GALNT13: variants seen among roughly 807,000 people sequenced by gnomAD.
GALNT13 encodes polypeptide N-acetylgalactosaminyltransferase 13.
Under a neutral mutation model 64.2 loss-of-function variants are expected in GALNT13, and 28 were observed. The observed-to-expected ratio is 0.44, with a 90% CI of 0.32 to 0.60. The LOEUF (loss-of-function observed/expected upper bound fraction) is 0.60. GALNT13 is among the 20% of genes least tolerant of loss of function. GALNT13 has a pLI of 0.05. For missense variants in GALNT13, 577 were observed against 669.8 expected, an observed-to-expected ratio of 0.86 and a Z score of 1.53; for synonymous variants, 214 against 224.6, an observed-to-expected ratio of 0.95 and a Z score of 0.42.
intron 9 of GALNT13, among the ~76,000 whole-genome samples, chr2:154,309,510 A>G (rs1238238330): frequency 1.3e-5 from 2 of 152,198 alleles, no homozygotes; most frequent in African/African-American, 4.8e-5. Context: ...GTGCCACTTC[A>G]ACTCATGGCA....
At chr2:153,725,467 T>A in the GALNT13 span, among the ~76,000 whole-genome samples, 4,334 of 148,488 alleles carry the variant, frequency 0.029, 79 homozygotes, top group Non-Finnish European at 0.042. Context: ...TAAAAAAAAA[T>A]AATAATAATA....
At chr2:153,412,202 T>C in the GALNT13 span, among the ~76,000 whole-genome samples, 2 of 152,162 alleles carry the variant, frequency 1.3e-5, no homozygotes, top group Non-Finnish European at 2.9e-5. Context: ...TATCCTATTA[T>C]TTCTGTCCCT....
chr2:153,693,323 CG>C, the GALNT13 span, among the ~76,000 whole-genome samples: 1 of 152,080 alleles, frequency 6.6e-6, no homozygotes, highest in East Asian at 1.9e-4. Context: ...TTTTGTGAAT[CG>C]TATTCGGATT....
intron 3 of GALNT13, among the ~76,000 whole-genome samples, chr2:153,997,065 G>C (rs1175876965): frequency 6.6e-6 from 1 of 152,008 alleles, no homozygotes; most frequent in Non-Finnish European, 1.5e-5. Context: ...TGCTGTTTTG[G>C]TTACTGTGGG....
At chr2:154,319,161 G>T (rs750288378) in intron 9 of GALNT13, among the ~76,000 whole-genome samples, 4 of 152,074 alleles carry the variant, frequency 2.6e-5, no homozygotes, top group Non-Finnish European at 4.4e-5. Flanking sequence ...AAAGTATGGG[G>T]AAATTAAGAA....
the GALNT13 span, among the ~76,000 whole-genome samples, chr2:153,704,027 TTTA>T: frequency 6.6e-6 from 1 of 152,188 alleles, no homozygotes; most frequent in Non-Finnish European, 1.5e-5. Context: ...CCACAAATGT[TTTA>T]TTATATTTTT....
chr2:154,281,697 C>G (rs1439142350), intron 8 of GALNT13, among the ~76,000 whole-genome samples: 1 of 152,072 alleles, frequency 6.6e-6, no homozygotes, highest in Non-Finnish European at 1.5e-5. Flanking sequence ...CACCATACCT[C>G]TCACACACAC....
chr2:153,475,003 G>A, the GALNT13 span, among the ~76,000 whole-genome samples: 49 of 152,264 alleles, frequency 3.2e-4, no homozygotes, highest in African/African-American at 7.5e-4. Context: ...GGAAAGGACC[G>A]ACACTCCATA....
At chr2:153,449,768 C>A in the GALNT13 span, 4 of 152,692 alleles carry the variant, frequency 2.6e-5, no homozygotes, top group African/African-American at 9.7e-5. Flanking sequence ...GTTGCTACAT[C>A]CTCCAGAGGG....
At chr2:153,427,503 C>A in the GALNT13 span, among the ~76,000 whole-genome samples, 3 of 151,222 alleles carry the variant, frequency 2.0e-5, no homozygotes, top group Admixed American at 6.6e-5. Flanking sequence ...AAGACAAGGT[C>A]AAAGAAAGAT....
At chr2:153,832,938 A>G in the GALNT13 span, among the ~76,000 whole-genome samples, 12 of 152,272 alleles carry the variant, frequency 7.9e-5, no homozygotes, top group Admixed American at 2.6e-4. Flanking sequence ...TTTATCCTCT[A>G]TTTTGCTTTC....
the GALNT13 span, among the ~76,000 whole-genome samples, chr2:153,609,198 CA>C: frequency 6.6e-6 from 1 of 152,048 alleles, no homozygotes; most frequent in African/African-American, 2.4e-5. Flanking sequence ...CAAAGTGCTG[CA>C]ATTATAGGCA....
chr2:154,113,071 A>C (rs1048930399), intron 3 of GALNT13, among the ~76,000 whole-genome samples: 2 of 152,192 alleles, frequency 1.3e-5, no homozygotes, highest in East Asian at 3.9e-4. Context: ...TACAGGTGGC[A>C]TGGTGCCTTG....
chr2:153,608,917 CTTTTTTTT>C, the GALNT13 span, among the ~76,000 whole-genome samples: 5 of 130,636 alleles, frequency 3.8e-5, no homozygotes, highest in Non-Finnish European at 8.2e-5. Context: ...TTTTTTACTT[CTTTTTTTT>C]TTTTTTTTGG....
intron 11 of GALNT13, among the ~76,000 whole-genome samples, chr2:154,418,589 GA>G (rs1400276117): frequency 1.3e-5 from 2 of 152,190 alleles, no homozygotes; most frequent in Non-Finnish European, 2.9e-5. Context: ...CCTCTGGAGG[GA>G]AAGAGGCCCT....
At chr2:153,754,017 A>G in the GALNT13 span, among the ~76,000 whole-genome samples, 1 of 152,182 alleles carries the variant, frequency 6.6e-6, no homozygotes, top group Non-Finnish European at 1.5e-5. Flanking sequence ...CTGTAAGACT[A>G]CCATCAATGT....
At chr2:153,857,030 C>A in the GALNT13 span, among the ~76,000 whole-genome samples, 3 of 151,950 alleles carry the variant, frequency 2.0e-5, no homozygotes, top group Non-Finnish European at 2.9e-5. Flanking sequence ...ATATTAAGTT[C>A]AAAATAGGTG....
At chr2:153,458,606 T>A in the GALNT13 span, among the ~76,000 whole-genome samples, 1 of 152,200 alleles carries the variant, frequency 6.6e-6, no homozygotes, top group Non-Finnish European at 1.5e-5. Flanking sequence ...TAGTTTTACA[T>A]CTACTTGGGT....
At chr2:154,147,380 T>TA (rs1322220322) in intron 4 of GALNT13, among the ~76,000 whole-genome samples, 20 of 131,422 alleles carry the variant, frequency 1.5e-4, no homozygotes, top group South Asian at 4.9e-4. Context: ...TGAATGGAAT[T>TA]TTATATATAT....
Sources: gnomAD v4.1 joint callset for allele counts (sites outside exome capture counted in the v4.1 genomes callset) on GRCh38, gnomAD v4.1.1 for gene constraint, MANE v1.5 for transcripts, NCBI Gene and HGNC (gene_info 2026-07-23, HGNC 2026-07-21) for gene names.